The following CLCN6 variants were observed in gnomAD, a reference collection of about 807,000 sequenced individuals.
CLCN6 encodes H(+)/Cl(-) exchange transporter 6.
Under a neutral mutation model 109.8 loss-of-function variants are expected in CLCN6, and 70 were observed. That is an observed-to-expected ratio of 0.64 (90% CI 0.53 to 0.78). CLCN6 has a LOEUF of 0.78. Among genes scored for constraint, CLCN6 ranks in the 30% least tolerant of loss-of-function variants. The pLI is 0.00. For missense variants in CLCN6, 984 were observed against 1,142.3 expected (o/e 0.86, Z 2.00); for synonymous variants, 444 against 447.8 (o/e 0.99, Z 0.11).
At position 11,828,615 on chromosome 1, in the gene CLCN6, A is replaced by G; in HGVS notation, c.1112A>G (p.Lys371Arg). 6.2e-7 allele frequency: 1 copy of G among 1,608,650 alleles called. No individual in the cohort carries two copies. The highest frequency in any genetic ancestry group is 1.1e-5 in the South Asian group (1 of 90,300). The change falls in exon 12 of 23, where the codon AAG (lysine) becomes AGG (arginine). Residue 371 changes from lysine (K) to arginine (R), a missense_variant. By Grantham distance (26) the Lys-to-Arg change is conservative. Transcript: ENST00000346436. ...ATGCGAAACGTGCACCCGAAACCTA[A>G]GCTCGTCAGGTATCTGCACAGTCGC... ...YRMRNVHPKP[K>R]LVRVLESLLV...
At position 11,834,194 on chromosome 1, in the gene CLCN6, A is replaced by G. The variant is rs376413699; in HGVS notation, c.1527-42A>G. On this transcript the variant is annotated intron_variant, in intron 15 of 22. Transcript: ENST00000346436. This position sits in a 1 kb window ranked among gnomAD's most constrained non-coding sequence, Gnocchi z 4.5. ...CTGTAGGTCCTCCCCACAGCCTATC[A>G]GTGTGGTTCAAAGCCATGTTCTCGG... 1.1e-4 allele frequency: 169 copies of G among 1,599,870 alleles called. 1 individual carries two copies. The highest frequency in any genetic ancestry group is 5.6e-4 in the Middle Eastern group (3 of 5,396).
At chr1:11,827,290 A>T (rs911074350) in intron 10 of CLCN6, 69 bp downstream of exon 10, 7 of 1,495,674 alleles carry the variant, frequency 4.7e-6, no homozygotes, top group Non-Finnish European at 6.3e-6. Context: ...CTTACTCGGT[A>T]CATGGAATGG....
intron 14 of CLCN6, 117 bp from the exon 15 acceptor site, chr1:11,833,760 G>T: frequency 6.4e-7 from 1 of 1,561,310 alleles, no homozygotes; most frequent in South Asian, 1.2e-5. Flanking sequence ...ACAAAAGATT[G>T]GTTTCTGCCT....
At chr1:11,813,495 A>G (rs1225900478) in intron 2 of CLCN6, among the ~76,000 whole-genome samples, 1 of 151,330 alleles carries the variant, frequency 6.6e-6, no homozygotes, top group Admixed American at 6.6e-5. Context: ...GGTTCAAGCG[A>G]TTCTCCTGCC....
In CLCN6 at chr1:11,836,043, A is replaced by G. The variant is rs766430252; in HGVS notation, c.1870A>G (p.Ile624Val). 10 of 1,613,594 alleles carry G rather than the reference A, an allele frequency of 6.2e-6. No homozygotes were observed. The highest frequency in any genetic ancestry group is 8.5e-6 in the Non-Finnish European group (10 of 1,179,916). The change falls in exon 18 of 23, where the codon ATC becomes GTC. Residue 624 changes from isoleucine to valine, a missense_variant. By Grantham distance (29) the Ile-to-Val change is conservative. Coordinates refer to ENST00000346436, the MANE Select transcript of CLCN6 (RefSeq NM_001286.5). ...CACCCGCATCCAGTCTCTGGTGAGC[A>G]TCCTGCGCACCACGGTCCACCATGC... The part of the protein sequence containing the change: ...PHTRIQSLVS[I>V]LRTTVHHAFP...
chr1:11,829,357 C>A (rs1318580869), intron 13 of CLCN6, 35 bp downstream of exon 13: 10 of 1,612,664 alleles, frequency 6.2e-6, no homozygotes, highest in African/African-American at 1.3e-5. Context: ...TTATCCCATA[C>A]CACGAGGAAG....
intron 8 of CLCN6, among the ~76,000 whole-genome samples, chr1:11,825,763 C>A (rs993847832): frequency 2.6e-4 from 40 of 152,216 alleles, no homozygotes; most frequent in African/African-American, 9.4e-4. Context: ...GCTGGGATTA[C>A]AGGCATATGT....
rs1267713871 is a variant in CLCN6, at chr1:11,823,766, G to T, written c.513G>T (p.Val171=). The T allele has an allele frequency of 1.2e-6, 2 of 1,614,276 alleles. No homozygotes were observed. Among genetic ancestry groups the T allele is most frequent in the East Asian group, 2.2e-5 (1 of 44,890 alleles). The part of the protein sequence containing the change: ...EVKCYLNGVK[V]PGIVRLRTLL... Reference sequence around the variant, plus strand: ...AATGCTATCTGAATGGCGTAAAGGTGCCAGGAATCGTCCGTCTCCGGACCC... The same window carrying T: ...AATGCTATCTGAATGGCGTAAAGGTTCCAGGAATCGTCCGTCTCCGGACCC... Residue 171 remains valine (V), a synonymous_variant, in exon 7 of 23, where the codon GTG becomes GTT. Coordinates refer to ENST00000346436, the MANE Select transcript of CLCN6 (RefSeq NM_001286.5).
rs751371700 is a variant in CLCN6, at chr1:11,838,370, G to T, written c.2331G>T (p.Met777Ile). The part of the protein sequence containing the change: ...ASQPRLSYAE[M>I]AEDYPRYPDI... ...AGCCGCGCCTCTCCTATGCCGAGATGGCCGAGGACTACCCGCGGTACCCCG... is the reference window on the plus strand; with the variant it reads ...AGCCGCGCCTCTCCTATGCCGAGATTGCCGAGGACTACCCGCGGTACCCCG... The change falls in exon 21 of 23, where the codon ATG (methionine) becomes ATT (isoleucine). Residue 777 changes from methionine to isoleucine, a missense_variant. Transcript: ENST00000346436. 6.2e-7 allele frequency: 1 copy of T among 1,613,208 alleles called. No individual in the cohort carries two copies. Among genetic ancestry groups the T allele is most frequent in the East Asian group, 2.2e-5 (1 of 44,784 alleles).
rs571071250 is a variant in CLCN6, at chr1:11,814,058, GACTA to G, written c.148-1784_148-1781del. Among the ~76,000 whole-genome samples the G allele has an allele frequency of 5.9e-5, 9 of 152,082 alleles. No homozygotes were observed. The East Asian group carries it at 1.2e-3, about 20-fold the overall frequency. ...CCAGGACTCATAAAAAAAGAATTTG[GACTA>G]ACTCTAGGTAGTCATATAGATAGAA... On this transcript the variant is annotated intron_variant, in intron 2 of 22. Transcript: ENST00000346436.
At chr1:11,808,227 T>TGTGTTTGTGTG (rs1644548460) in intron 2 of CLCN6, among the ~76,000 whole-genome samples, 2 of 139,160 alleles carry the variant, frequency 1.4e-5, no homozygotes, top group African/African-American at 5.4e-5. Flanking sequence ...GTGTGTGTGT[T>TGTGTTTGTGTG]TGTGTGTGTG....
Position 11,837,495 on chromosome 1 carries a change from A to G in CLCN6, c.2291A>G (p.Gln764Arg). Residue 764 changes from glutamine to arginine, a missense_variant, in exon 20 of 23, where the codon CAG (glutamine) becomes CGG (arginine). Gln to Arg is a conservative substitution (Grantham distance 43). Transcript: ENST00000346436. The part of the protein sequence containing the change: ...LVRGVCYSES[Q>R]SSASQPRLSY... ...CGAGGAGTTTGTTACTCTGAAAGCC[A>G]GTCGGTAAGTCTCTCCGAGGCAGAA... 6.2e-7 allele frequency: 1 copy of G among 1,613,044 alleles called. No individual in the cohort carries two copies. The highest frequency in any genetic ancestry group is 8.5e-7 in the Non-Finnish European group (1 of 1,179,090).
At position 11,838,275 on chromosome 1, in the gene CLCN6, A is replaced by C; in HGVS notation, c.2296-60A>C. 8.1e-6 allele frequency: 12 copies of C among 1,475,076 alleles called. 1 individual carries two copies. In the South Asian group the frequency reaches 1.4e-4, roughly 17 times the overall value. 91.4% of individuals were successfully genotyped at this position (1,475,076 alleles called of 1,614,324 possible). A position where few individuals can be genotyped will look rare whatever the true frequency, so the allele number is the denominator to read the frequency against. Reference sequence around the variant, plus strand: ...TTCAGGCATCAAGGGGAGGGGCTCTAAGGTGACCCTGCTGGCCACTGCTGC... The same window carrying C: ...TTCAGGCATCAAGGGGAGGGGCTCTCAGGTGACCCTGCTGGCCACTGCTGC... On this transcript the variant is annotated intron_variant, in intron 20 of 22. Transcript: ENST00000346436.
chr1:11,828,607 G>T lies in CLCN6; in HGVS notation c.1104G>T (p.Pro368=), dbSNP rs773236964. ...AGTACCGTATGCGAAACGTGCACCC[G>T]AAACCTAAGCTCGTCAGGTATCTGC... The part of the protein sequence containing the change: ...LAKYRMRNVH[P]KPKLVRVLES... Residue 368 remains proline, a synonymous_variant, in exon 12 of 23, where the codon CCG becomes CCT. Coordinates refer to ENST00000346436, the MANE Select transcript of CLCN6 (RefSeq NM_001286.5). 16 of 1,610,564 alleles carry T rather than the reference G, an allele frequency of 9.9e-6. No homozygotes were observed. The highest frequency in any genetic ancestry group is 2.7e-5 in the African/African-American group (2 of 74,826).
At chr1:11,828,054 A>T in intron 10 of CLCN6, 52 bp from the exon 11 acceptor site, 1 of 1,328,370 alleles carries the variant, frequency 7.5e-7, no homozygotes, top group Non-Finnish European at 1.1e-6. Context: ...GTTGGGAGAG[A>T]GTAGGACATG....
At chr1:11,838,901 A>G (rs1438524266) in intron 22 of CLCN6, 1 of 721,560 alleles carries the variant, frequency 1.4e-6, no homozygotes, top group Non-Finnish European at 2.6e-6. Flanking sequence ...CGCCTCTACC[A>G]GGCTGTGTCT....
chr1:11,819,335 C>T (rs940608753), intron 4 of CLCN6, among the ~76,000 whole-genome samples, 153 bp from the exon 5 acceptor site: 4 of 152,192 alleles, frequency 2.6e-5, no homozygotes, highest in African/African-American at 4.8e-5. Context: ...CCTCCTTCTG[C>T]GCTTTTCTGC....
At position 11,840,781 on chromosome 1, in the gene CLCN6, A is replaced by G. The variant is rs17350396; in HGVS notation, c.*558A>G. On this transcript the variant is annotated 3_prime_UTR_variant, in exon 23 of 23. Transcript: ENST00000346436. ...TCCTCGCTAGTTGGTTTTAAGGGAAACACTCTGCTCCTGGGTGTGAGCAGA... is the reference window on the plus strand; with the variant it reads ...TCCTCGCTAGTTGGTTTTAAGGGAAGCACTCTGCTCCTGGGTGTGAGCAGA... 0.12 allele frequency: 20,712 copies of G among 167,990 alleles called. 1,630 individuals carry two copies. The highest frequency in any genetic ancestry group is 0.21 in the Middle Eastern group (67 of 324). The allele number at this position is 167,990 out of a possible 1,614,324, so 10.4% of individuals were successfully genotyped here.
At position 11,837,486 on chromosome 1, in the gene CLCN6, C is replaced by G. The variant is rs561944828; in HGVS notation, c.2282C>G (p.Ser761Cys). The change falls in exon 20 of 23, where the codon TCT becomes TGT. Residue 761 changes from serine to cysteine, a missense_variant. Ser to Cys is a moderately radical substitution (Grantham distance 112). Transcript: ENST00000346436. ...VTLLVRGVCY[S>C]ESQSSASQPR... The stretch of plus-strand genomic sequence containing the variant: ...CTGCTTGTCCGAGGAGTTTGTTACT[C>G]TGAAAGCCAGTCGGTAAGTCTCTCC... 14 of 1,613,664 alleles carry G rather than the reference C, an allele frequency of 8.7e-6. No homozygotes were observed. The East Asian group carries it at 2.7e-4, about 31-fold the overall frequency.
Sources: gnomAD v4.1 joint callset for allele counts (sites outside exome capture counted in the v4.1 genomes callset) on GRCh38, gnomAD v4.1.1 for gene constraint, Gnocchi (gnomAD v3.1) non-coding constraint, MANE v1.5 for transcripts, NCBI Gene and HGNC (gene_info 2026-07-23, HGNC 2026-07-21) for gene names.